Variants in ADORA1 observed in about 807,000 individuals in gnomAD.
The protein encoded by ADORA1 is adenosine A1 receptor.
A neutral mutation model predicts 19.9 loss-of-function variants in ADORA1; 6 were observed. That is an observed-to-expected ratio of 0.30 (90% CI 0.17 to 0.59). ADORA1 has a LOEUF of 0.59. ADORA1 is among the 20% of genes least tolerant of loss of function. ADORA1 has a pLI of 0.87. For missense variants in ADORA1, 302 were observed against 439.2 expected (o/e 0.69, Z 2.79); for synonymous variants, 194 against 188.4 (o/e 1.03, Z -0.24).
intron 3 of ADORA1, among the ~76,000 whole-genome samples, chr1:203,146,219 G>A (rs1020931800): frequency 2.0e-5 from 3 of 152,210 alleles, no homozygotes; most frequent in South Asian, 2.1e-4. Flanking sequence ...GTGGCACTGC[G>A]TGACTTCTTT....
intron 3 of ADORA1, among the ~76,000 whole-genome samples, chr1:203,151,704 T>C (rs916047808): frequency 6.6e-6 from 1 of 152,184 alleles, no homozygotes; most frequent in Non-Finnish European, 1.5e-5. Context: ...AAGGAATTGT[T>C]ACTTGCTCCA....
At chr1:203,162,157 G>A (rs3753473) in intron 3 of ADORA1, among the ~76,000 whole-genome samples, 10,302 of 152,262 alleles carry the variant, frequency 0.068, 440 homozygotes, top group South Asian at 0.2. Context: ...GTAAGGATAG[G>A]TGAGCTTCTC....
Position 203,166,605 on chromosome 1 carries a change from C to T in ADORA1, c.*705C>T, listed in dbSNP as rs1386789886. ...TTTCTGATATTTGCTGGAGTGCTGG[C>T]TCCACGCCCTGGGGAGTGAGCTTGG... On this transcript the variant is annotated 3_prime_UTR_variant, in exon 4 of 4. Coordinates refer to ENST00000337894, the MANE Select transcript of ADORA1 (RefSeq NM_000674.3). 1 of 152,582 alleles carries T rather than the reference C, an allele frequency of 6.6e-6. No homozygotes were observed. The highest frequency in any genetic ancestry group is 6.5e-5 in the Admixed American group (1 of 15,290). The allele number at this position is 152,582 out of a possible 1,614,324, so 9.5% of individuals were successfully genotyped here. A position where few individuals can be genotyped will look rare whatever the true frequency, so the allele number is the denominator to read the frequency against.
intron 3 of ADORA1, among the ~76,000 whole-genome samples, chr1:203,157,555 C>A (rs1041505491): frequency 1.3e-5 from 2 of 152,194 alleles, no homozygotes; most frequent in African/African-American, 4.8e-5. Context: ...TGGCCTCACT[C>A]CCATGGCTCC....
chr1:203,163,875 C>T (rs144457182), intron 3 of ADORA1, among the ~76,000 whole-genome samples: 3,399 of 152,292 alleles, frequency 0.022, 55 homozygotes, highest in Non-Finnish European at 0.032. Context: ...AGGAAACAGT[C>T]GGCAGCCTCT....
chr1:203,140,874 G>T (rs1393673381), intron 3 of ADORA1, among the ~76,000 whole-genome samples: 1 of 152,198 alleles, frequency 6.6e-6, no homozygotes, highest in Non-Finnish European at 1.5e-5. Flanking sequence ...CCAGGCCTCT[G>T]CCTCTCCCCA....
chr1:203,146,801 C>T (rs1192148650), intron 3 of ADORA1, among the ~76,000 whole-genome samples: 5 of 152,228 alleles, frequency 3.3e-5, no homozygotes, highest in African/African-American at 9.6e-5. Context: ...GGCTTTCTCT[C>T]GGCCTGAGTC....
rs571553273 is a variant in ADORA1 at position 203,141,182 on chromosome 1, G to A, written c.341+12000G>A. Among the ~76,000 whole-genome samples the A allele has an allele frequency of 9.2e-5, 14 of 152,378 alleles. No individual in the cohort carries two copies. The South Asian group carries it at 2.9e-3, about 32-fold the overall frequency. On this transcript the variant is annotated intron_variant, in intron 3 of 3. Coordinates refer to ENST00000337894, the MANE Select transcript of ADORA1 (RefSeq NM_000674.3). ...GGGGGAGCCCCAGGGCTGGCATGGG[G>A]GCACGCTGTGTCCCAGTCATCCTGG...
Position 203,128,382 on chromosome 1 carries a change from TG to T in ADORA1, c.-106del. 7.7e-7 allele frequency: 1 copy of T among 1,290,786 alleles called. No homozygotes were observed. The highest frequency in any genetic ancestry group is 1.2e-5 in the South Asian group (1 of 81,034). The allele number at this position is 1,290,786 out of a possible 1,614,324, so 80.0% of individuals were successfully genotyped here. A position where few individuals can be genotyped will look rare whatever the true frequency, so the allele number is the denominator to read the frequency against. ...GCGCGCGGCCCGGAGCTCTGTTCCC[TG>T]GAACTTTGGGCACTGCCTCTGGGAC... On this transcript the variant is annotated 5_prime_UTR_variant, in exon 2 of 4. An upstream open reading frame in the 5' UTR gains an earlier in-frame stop. Transcript: ENST00000337894. This position sits in a 1 kb window ranked among gnomAD's most constrained non-coding sequence, Gnocchi z 5.9.
At chr1:203,149,636 G>A (rs1312438692) in intron 3 of ADORA1, among the ~76,000 whole-genome samples, 1 of 152,180 alleles carries the variant, frequency 6.6e-6, no homozygotes, top group Non-Finnish European at 1.5e-5. Context: ...TGGTTGAGGC[G>A]GGACCTTCGA....
intron 3 of ADORA1, among the ~76,000 whole-genome samples, chr1:203,164,887 C>A (rs1196809387): frequency 3.9e-5 from 6 of 152,202 alleles, no homozygotes; most frequent in African/African-American, 1.4e-4. Flanking sequence ...CCGGTGACTT[C>A]CTACGCGACA....
rs1360349069 is a variant in ADORA1 at position 203,128,197 on chromosome 1, T to C, written c.-212-81T>C. 4 of 588,932 alleles carry C rather than the reference T, an allele frequency of 6.8e-6. No individual in the cohort carries two copies. The Admixed American group carries it at 1.4e-4, about 21-fold the overall frequency. The allele number at this position is 588,932 out of a possible 1,614,324, so 36.5% of individuals were successfully genotyped here. A position where few individuals can be genotyped will look rare whatever the true frequency, so the allele number is the denominator to read the frequency against. ...CCCAGACCCACGTCTGCCACCCCAG[T>C]CCCAGGTGCGAAACAGGGGCGCTAC... On this transcript the variant is annotated intron_variant, in intron 1 of 3. Coordinates refer to ENST00000337894, the MANE Select transcript of ADORA1 (RefSeq NM_000674.3). This position sits in a 1 kb window ranked among gnomAD's most constrained non-coding sequence, Gnocchi z 5.9.
intron 3 of ADORA1, among the ~76,000 whole-genome samples, chr1:203,162,690 A>AAGAAGAGCTGGGCTTGGAGTC (rs1175042782): frequency 1.1e-4 from 17 of 152,192 alleles, no homozygotes; most frequent in Admixed American, 2.0e-4. Context: ...TGGCACCCTG[A>AAGAAGAGCTGGGCTTGGAGTC]AGAAGAGCTG....
chr1:203,144,081 T>TATAC (rs10638251), intron 3 of ADORA1, among the ~76,000 whole-genome samples: 2 of 139,772 alleles, frequency 1.4e-5, no homozygotes, highest in African/African-American at 5.5e-5. Flanking sequence ...GACTACCTCT[T>TATAC]ACACACACAC....
At chr1:203,163,794 C>T (rs538451331) in intron 3 of ADORA1, among the ~76,000 whole-genome samples, 1 of 152,042 alleles carries the variant, frequency 6.6e-6, no homozygotes, top group Non-Finnish European at 1.5e-5. Flanking sequence ...AAGCGTTGTC[C>T]GGGGCGAGAC....
At chr1:203,141,572 ATTTT>A (rs56188119) in intron 3 of ADORA1, among the ~76,000 whole-genome samples, 17 of 73,566 alleles carry the variant, frequency 2.3e-4, no homozygotes, top group Non-Finnish European at 3.0e-4. Flanking sequence ...TCTAACCTGG[ATTTT>A]TTTTTTTTTT....
rs1654249368 is a variant in ADORA1 at position 203,129,095 on chromosome 1, G to C, written c.254G>C (p.Cys85Ser). 10 of 1,614,030 alleles carry C rather than the reference G, an allele frequency of 6.2e-6. No homozygotes were observed. The East Asian group carries it at 2.0e-4, about 32-fold the overall frequency. Reference sequence around the variant, plus strand: ...TTCCACACCTGCCTCATGGTTGCCTGTCCGGTCCTCATCCTCACCCAGAGC... The same window carrying C: ...TTCCACACCTGCCTCATGGTTGCCTCTCCGGTCCTCATCCTCACCCAGAGC... ...TYFHTCLMVA[C>S]PVLILTQSSI... is the part of the protein sequence containing the mutation. The change falls in exon 3 of 4, where the codon TGT becomes TCT. Residue 85 changes from cysteine to serine, a missense_variant. Physicochemically the swap from Cys to Ser is moderately radical, Grantham distance 112. Coordinates refer to ENST00000337894, the MANE Select transcript of ADORA1 (RefSeq NM_000674.3).
At chr1:203,150,705 T>A in intron 3 of ADORA1, 1 of 1,289,850 alleles carries the variant, frequency 7.8e-7, no homozygotes, top group South Asian at 1.2e-5. Flanking sequence ...AAGGACTTTC[T>A]AATGTGGAAG....
intron 3 of ADORA1, among the ~76,000 whole-genome samples, chr1:203,161,824 C>T (rs1024017443): frequency 3.9e-5 from 6 of 152,062 alleles, no homozygotes; most frequent in African/African-American, 1.4e-4. Context: ...ATCCACCCGC[C>T]TCGGCCTGCC....
Sources: allele counts gnomAD v4.1 joint callset (sites outside exome capture counted in the v4.1 genomes callset), GRCh38; gene constraint gnomAD v4.1.1; non-coding constraint Gnocchi (gnomAD v3.1); transcripts MANE v1.5; gene names NCBI Gene and HGNC (gene_info 2026-07-23, HGNC 2026-07-21).